USP30: variants seen among roughly 807,000 people sequenced by gnomAD.
USP30 encodes ubiquitin specific peptidase 30, also known as ubiquitin carboxyl-terminal hydrolase 30.
In USP30, 41 loss-of-function variants were observed where a neutral mutation model predicts 68.2. The observed-to-expected ratio is 0.60, with a 90% confidence interval of 0.47 to 0.78. The LOEUF is 0.78. Among genes scored for constraint, USP30 ranks in the 30% least tolerant of loss-of-function variants. The probability of loss-of-function intolerance (pLI) is 0.00; values close to 1 mark genes in which losing one functional copy is unlikely to be tolerated. For missense variants in USP30, 522 were observed against 649.4 expected (o/e 0.80, Z 2.13); for synonymous variants, 229 against 253.7 (o/e 0.90, Z 0.93).
chr12:109,043,084 C>T (rs1225887235), intron 3 of USP30, among the ~76,000 whole-genome samples: 1 of 152,020 alleles, frequency 6.6e-6, no homozygotes, highest in Non-Finnish European at 1.5e-5. Flanking sequence ...CAAAATATTG[C>T]TGAAAGAAAT....
rs765191370 is a variant in USP30, at chr12:109,073,529, C to G, written c.717C>G (p.His239Gln). The change falls in exon 7 of 13, where the codon CAC becomes CAG. Residue 239 changes from histidine (H) to glutamine (Q), a missense_variant. His to Gln is a conservative substitution (Grantham distance 24, BLOSUM62 0). Transcript: ENST00000257548. Reference protein sequence around the residue: ...TSNMVCKHCEHQSPVRFDTFD... With the variant: ...TSNMVCKHCEQQSPVRFDTFD... ...ATATGGTCTGCAAACACTGTGAACA[C>G]CAGGTAAATACAATACCAACACTTG... is the stretch of plus-strand genomic sequence containing the variant. 6.2e-7 allele frequency: 1 copy of G among 1,610,152 alleles called. No individual in the cohort carries two copies. Among genetic ancestry groups the G allele is most frequent in the Admixed American group, 1.7e-5 (1 of 60,008 alleles).
intron 3 of USP30, among the ~76,000 whole-genome samples, chr12:109,035,847 G>T (rs2040515109): frequency 6.6e-6 from 1 of 152,068 alleles, no homozygotes; most frequent in Non-Finnish European, 1.5e-5. Context: ...TTTAAAATCA[G>T]ATACACAAAA....
In USP30 at chr12:109,053,190, G is replaced by C. The variant is rs138446018; in HGVS notation, c.83+429G>C. 1.1e-3 allele frequency among the ~76,000 whole-genome samples: 169 copies of C among 152,152 alleles called. 1 individual carries two copies. Among genetic ancestry groups the C allele is most frequent in the Admixed American group, 1.8e-3 (28 of 15,290 alleles). ...TGCCAGGGTTCCCCAACCTTGGCAC[G>C]GTTCTTCTAGTCCTATAAGTGCCCC... is the stretch of plus-strand genomic sequence containing the variant. On this transcript the variant is annotated intron_variant, in intron 1 of 12. Coordinates refer to ENST00000257548, the MANE Select transcript of USP30 (RefSeq NM_032663.5).
intron 3 of USP30, among the ~76,000 whole-genome samples, chr12:109,034,205 C>T (rs1480361810): frequency 6.6e-6 from 1 of 152,164 alleles, no homozygotes; most frequent in East Asian, 1.9e-4. Flanking sequence ...TCTAATTTCC[C>T]TTGTTAATGT....
At chr12:109,077,873 A>G (rs1050221471) in intron 7 of USP30, among the ~76,000 whole-genome samples, 41 of 151,988 alleles carry the variant, frequency 2.7e-4, no homozygotes, top group Admixed American at 1.2e-3. Flanking sequence ...GTTTTACCTT[A>G]TCACATTCTA....
upstream of USP30, chr12:109,052,419 G>C (rs141935506): frequency 1.3e-3 from 484 of 368,532 alleles, 1 homozygote; most frequent in African/African-American, 9.1e-3. Flanking sequence ...AGCAGCCCCA[G>C]GCAACTGAGC....
At chr12:109,054,394 A>C (rs2040774769) in intron 1 of USP30, among the ~76,000 whole-genome samples, 1 of 152,004 alleles carries the variant, frequency 6.6e-6, no homozygotes, top group Non-Finnish European at 1.5e-5. Flanking sequence ...TGTGGTGTGC[A>C]GCTGTGGTCC....
chr12:109,079,348 T>TCC (rs2041720927), intron 7 of USP30, among the ~76,000 whole-genome samples: 1 of 129,566 alleles, frequency 7.7e-6, no homozygotes, highest in East Asian at 2.0e-4. Context: ...TCTTTTTTTT[T>TCC]TTCTTTTTTT....
chr12:109,085,570 T>C, intron 12 of USP30, 97 bp from the exon 13 acceptor site: 1 of 1,440,600 alleles, frequency 6.9e-7, no homozygotes, highest in East Asian at 2.3e-5. Flanking sequence ...CTTACCATTG[T>C]ATTCATCCCC....
intron 12 of USP30, 76 bp from the exon 13 acceptor site, chr12:109,085,591 T>C: frequency 6.5e-7 from 1 of 1,541,974 alleles, no homozygotes; most frequent in Non-Finnish European, 8.8e-7. Flanking sequence ...TATTTAACAT[T>C]AGCATTCTTT....
exon 3 of USP30, chr12:109,027,538 C>T (rs1280922916): frequency 1.3e-5 from 2 of 152,250 alleles, no homozygotes; most frequent in East Asian, 3.9e-4. Flanking sequence ...CTCAGCCTCC[C>T]AAAGTGCTGG....
At chr12:109,065,659 AT>A (rs927857480) in intron 3 of USP30, among the ~76,000 whole-genome samples, 1 of 152,236 alleles carries the variant, frequency 6.6e-6, no homozygotes, top group African/African-American at 2.4e-5. Flanking sequence ...GTTGCCTACC[AT>A]TCTGTTGTAA....
At chr12:109,064,595 G>A (rs2041188129) in intron 3 of USP30, among the ~76,000 whole-genome samples, 1 of 152,148 alleles carries the variant, frequency 6.6e-6, no homozygotes, top group Non-Finnish European at 1.5e-5. Flanking sequence ...CACTTTTACA[G>A]CTGCATAGTT....
chr12:109,026,889 C>T (rs2040448972), intron 2 of USP30, among the ~76,000 whole-genome samples: 1 of 152,162 alleles, frequency 6.6e-6, no homozygotes, highest in Non-Finnish European at 1.5e-5. Flanking sequence ...TCTGTGCTTA[C>T]ATGCTCTTTC....
At chr12:109,081,779 C>G (rs1374753911) in intron 8 of USP30, among the ~76,000 whole-genome samples, 154 bp from the exon 9 acceptor site, 1 of 152,150 alleles carries the variant, frequency 6.6e-6, no homozygotes, top group Non-Finnish European at 1.5e-5. Context: ...TGCTTTGAGC[C>G]CCATGTTTGT....
At chr12:109,077,358 A>T (rs1251715224) in intron 7 of USP30, among the ~76,000 whole-genome samples, 7 of 151,908 alleles carry the variant, frequency 4.6e-5, no homozygotes, top group Non-Finnish European at 7.4e-5. Context: ...ATTTCTGCTA[A>T]TTTTTTTTAA....
intron 3 of USP30, among the ~76,000 whole-genome samples, chr12:109,058,777 C>G (rs909731555): frequency 6.6e-6 from 1 of 152,102 alleles, no homozygotes; most frequent in African/African-American, 2.4e-5. Flanking sequence ...ATACAAATTG[C>G]TAACAAACTC....
Position 109,086,052 on chromosome 12 carries a change from C to A in USP30, c.*121C>A, listed in dbSNP as rs2041940721. Reference sequence around the variant, plus strand: ...GAGCCTTCCAGCCTTCTGGTGTGTTCTAAGAGCAGGCTCCACCTGGGAGCC... The same window carrying A: ...GAGCCTTCCAGCCTTCTGGTGTGTTATAAGAGCAGGCTCCACCTGGGAGCC... On this transcript the variant is annotated 3_prime_UTR_variant, in exon 13 of 13. Coordinates refer to ENST00000257548, the MANE Select transcript of USP30 (RefSeq NM_032663.5). The A allele has an allele frequency of 1.4e-6, 2 of 1,411,068 alleles. No homozygotes were observed. Among genetic ancestry groups the A allele is most frequent in the East Asian group, 5.0e-5 (2 of 40,024 alleles). The allele number at this position is 1,411,068 out of a possible 1,614,324, so 87.4% of individuals were successfully genotyped here.
chr12:109,040,070 T>G (rs760292940), intron 3 of USP30, among the ~76,000 whole-genome samples: 23 of 151,506 alleles, frequency 1.5e-4, no homozygotes, highest in Non-Finnish European at 2.7e-4. Flanking sequence ...AAAAATATTG[T>G]TTTTTTTCTA....
Sources: gnomAD v4.1 joint callset for allele counts (sites outside exome capture counted in the v4.1 genomes callset) on GRCh38, gnomAD v4.1.1 for gene constraint, MANE v1.5 for transcripts, NCBI Gene and HGNC (gene_info 2026-07-23, HGNC 2026-07-21) for gene names.